Variants in UBE2E2 observed in about 807,000 individuals in gnomAD.
UBE2E2 encodes the protein ubiquitin-conjugating enzyme E2 E2.
In UBE2E2, 6 loss-of-function variants were observed where a neutral mutation model predicts 24.7. That is an observed-to-expected ratio of 0.24 (90% CI 0.13 to 0.48). UBE2E2 has a LOEUF of 0.48. Among genes scored for constraint, UBE2E2 ranks in the 20% least tolerant of loss-of-function variants. The probability of loss-of-function intolerance (pLI) is 0.99; values close to 1 mark genes in which losing one functional copy is unlikely to be tolerated. For synonymous variants in UBE2E2, 104 were observed against 83.6 expected (o/e 1.24, Z -1.33); for missense variants, 169 against 245.0 (o/e 0.69, Z 2.07).
At chr3:23,404,844 C>T (rs574962126) in intron 3 of UBE2E2, among the ~76,000 whole-genome samples, 2 of 152,300 alleles carry the variant, frequency 1.3e-5, no homozygotes, top group East Asian at 3.9e-4. Context: ...CATCACTTTT[C>T]TGCACTGTCA....
chr3:23,482,208 G>GTATT (rs1699273149), intron 3 of UBE2E2, among the ~76,000 whole-genome samples: 6 of 152,294 alleles, frequency 3.9e-5, no homozygotes. Flanking sequence ...TTGAAAATGT[G>GTATT]TATTTATAGA....
chr3:23,262,343 C>T (rs977461296), intron 3 of UBE2E2, among the ~76,000 whole-genome samples: 8 of 151,996 alleles, frequency 5.3e-5, no homozygotes, highest in East Asian at 1.9e-4. Context: ...TGAAGTGGCG[C>T]GATCATAGCC....
intron 3 of UBE2E2, among the ~76,000 whole-genome samples, chr3:23,247,117 G>C (rs1047326587): frequency 6.6e-6 from 1 of 152,106 alleles, no homozygotes; most frequent in African/African-American, 2.4e-5. Flanking sequence ...AGCTCCCAAA[G>C]TGCCTTTCTG....
intron 4 of UBE2E2, among the ~76,000 whole-genome samples, chr3:23,503,195 T>C (rs543499140): frequency 2.0e-5 from 3 of 152,070 alleles, no homozygotes; most frequent in Admixed American, 2.0e-4. Context: ...TTTTTGTTTT[T>C]GTTTTTGTTT....
chr3:23,323,357 T>G (rs544475526), intron 3 of UBE2E2, among the ~76,000 whole-genome samples: 1 of 152,272 alleles, frequency 6.6e-6, no homozygotes, highest in Non-Finnish European at 1.5e-5. Context: ...TTGTTTCTTC[T>G]AGGGAATACA....
At chr3:23,430,220 T>A (rs1009782546) in intron 3 of UBE2E2, among the ~76,000 whole-genome samples, 16 of 152,202 alleles carry the variant, frequency 1.1e-4, no homozygotes, top group Non-Finnish European at 1.5e-5. Context: ...CCTTCTATAA[T>A]AGCGCAGCTT....
chr3:23,320,295 C>T (rs971276275), intron 3 of UBE2E2, among the ~76,000 whole-genome samples: 3 of 152,284 alleles, frequency 2.0e-5, no homozygotes, highest in Admixed American at 6.5e-5. Flanking sequence ...TAAGCAGTAG[C>T]CCCTGTTCTT....
intron 3 of UBE2E2, among the ~76,000 whole-genome samples, chr3:23,417,662 C>T (rs184921626): frequency 3.3e-5 from 5 of 152,298 alleles, no homozygotes; most frequent in African/African-American, 1.2e-4. Flanking sequence ...CACAGCCTCC[C>T]CTTCCTCCTA....
intron 3 of UBE2E2, among the ~76,000 whole-genome samples, chr3:23,354,446 A>G (rs1482919048): frequency 2.0e-5 from 3 of 152,340 alleles, no homozygotes; most frequent in East Asian, 1.9e-4. Context: ...TGAACAGGCA[A>G]CCTGCAAAAT....
In UBE2E2 at chr3:23,342,000, A is replaced by G. The variant is rs1464686241; in HGVS notation, c.227+124688A>G. On this transcript the variant is annotated intron_variant, in intron 3 of 5. Coordinates refer to ENST00000396703, the MANE Select transcript of UBE2E2 (RefSeq NM_152653.4). ...AGTAGGGAAGTAAAAGAGAACAAAC[A>G]TTTGTTGATTTCTTGCCCAAGCATT... Among the ~76,000 whole-genome samples the G allele has an allele frequency of 2.6e-5, 4 of 152,282 alleles. No homozygotes were observed. The East Asian group carries it at 7.7e-4, about 29-fold the overall frequency.
intron 3 of UBE2E2, among the ~76,000 whole-genome samples, chr3:23,419,840 A>T (rs1490049811): frequency 6.6e-6 from 1 of 152,192 alleles, no homozygotes. Context: ...AAATTGCATG[A>T]TACCACATAG....
chr3:23,569,207 AAAAG>A (rs1285525802), intron 5 of UBE2E2, among the ~76,000 whole-genome samples: 1 of 152,184 alleles, frequency 6.6e-6, no homozygotes, highest in Non-Finnish European at 1.5e-5. Flanking sequence ...CATGCTTTGT[AAAAG>A]AAACCAATCA....
At chr3:23,441,295 C>T (rs1203249315) in intron 3 of UBE2E2, among the ~76,000 whole-genome samples, 1 of 146,662 alleles carries the variant, frequency 6.8e-6, no homozygotes, top group East Asian at 2.1e-4. Context: ...GAGGCCAAGG[C>T]GGGCAGATCA....
At chr3:23,521,014 T>A (rs1694851362) in intron 4 of UBE2E2, among the ~76,000 whole-genome samples, 1 of 152,202 alleles carries the variant, frequency 6.6e-6, no homozygotes, top group Non-Finnish European at 1.5e-5. Context: ...AAAAGCTAAA[T>A]CATCACTTCT....
In UBE2E2 at chr3:23,203,463, A is replaced by T. The variant is rs180698379; in HGVS notation, c.-10A>T. The T allele has an allele frequency of 1.2e-6, 1 of 861,908 alleles. No homozygotes were observed. Among genetic ancestry groups the T allele is most frequent in the African/African-American group, 4.1e-5 (1 of 24,320 alleles). 53.4% of individuals were successfully genotyped at this position (861,908 alleles called of 1,614,324 possible). Reference sequence around the variant, plus strand: ...CGACCTGCACGGACACCCCCCCCTCAGGTATTCGCTCGGGCCGCGCCGGTG... The same window carrying T: ...CGACCTGCACGGACACCCCCCCCTCTGGTATTCGCTCGGGCCGCGCCGGTG... On this transcript the variant is annotated splice_region_variant and 5_prime_UTR_variant, in exon 1 of 6. Transcript: ENST00000396703.
chr3:23,510,037 T>C (rs1694555070), intron 4 of UBE2E2, among the ~76,000 whole-genome samples: 1 of 152,152 alleles, frequency 6.6e-6, no homozygotes, highest in Non-Finnish European at 1.5e-5. Flanking sequence ...ACAATAAACA[T>C]ACGATTTTTT....
At chr3:23,467,256 CTT>C (rs1315878617) in intron 3 of UBE2E2, among the ~76,000 whole-genome samples, 21 of 152,250 alleles carry the variant, frequency 1.4e-4, no homozygotes, top group African/African-American at 4.6e-4. Flanking sequence ...GTTTTCTTGA[CTT>C]TTGATCTTTT....
intron 5 of UBE2E2, among the ~76,000 whole-genome samples, chr3:23,571,280 C>CTTTCTTTTTTTTTTTTTTTTTTTTTTTT (rs1696218039): frequency 1.3e-4 from 4 of 29,866 alleles, no homozygotes; most frequent in Admixed American, 6.9e-4. Flanking sequence ...GTGCTCCTTT[C>CTTTCTTTTTTTTTTTTTTTTTTTTTTTT]TTTTTTTTTT....
chr3:23,441,103 C>G (rs911810444), intron 3 of UBE2E2, among the ~76,000 whole-genome samples: 1 of 152,166 alleles, frequency 6.6e-6, no homozygotes, highest in African/African-American at 2.4e-5. Context: ...TTGCAAACCA[C>G]TAAAATCATT....
Sources: gnomAD v4.1 joint callset for allele counts (sites outside exome capture counted in the v4.1 genomes callset) on GRCh38, gnomAD v4.1.1 for gene constraint, MANE v1.5 for transcripts, NCBI Gene and HGNC (gene_info 2026-07-23, HGNC 2026-07-21) for gene names.